The following MAP3K8 variants were observed in gnomAD, a reference collection of about 807,000 sequenced individuals.
MAP3K8 encodes Ewing sarcoma transformant.
A neutral mutation model predicts 45.8 loss-of-function variants in MAP3K8; 22 were observed. That is an observed-to-expected ratio of 0.48 (90% CI 0.34 to 0.69). MAP3K8 has a LOEUF of 0.69. Ranked by LOEUF, MAP3K8 falls within the 30% of genes least tolerant of loss-of-function variation. The pLI is 0.01. For missense variants in MAP3K8, 419 were observed against 585.0 expected (o/e 0.72, Z 2.93); for synonymous variants, 223 against 214.3 (o/e 1.04, Z -0.36).
chr10:30,448,591 C>T (rs1463066241), intron 4 of MAP3K8, among the ~76,000 whole-genome samples: 2 of 151,940 alleles, frequency 1.3e-5, no homozygotes, highest in African/African-American at 4.8e-5. Context: ...TGCCACCATG[C>T]CCAGCTAATT....
At chr10:30,447,385 C>T (rs1320961595) in intron 3 of MAP3K8, among the ~76,000 whole-genome samples, 1 of 152,190 alleles carries the variant, frequency 6.6e-6, no homozygotes, top group East Asian at 1.9e-4. Context: ...TGAGTAATAG[C>T]TATGTGGACT....
chr10:30,452,910 C>T (rs188050133), intron 6 of MAP3K8, among the ~76,000 whole-genome samples: 75 of 151,958 alleles, frequency 4.9e-4, no homozygotes, highest in Non-Finnish European at 1.5e-4. Flanking sequence ...AACTGTTGGC[C>T]TCAAGTGATC....
Position 30,458,181 on chromosome 10 carries a change from C to T in MAP3K8, c.971C>T (p.Thr324Ile). 1.3e-6 allele frequency: 2 copies of T among 1,594,164 alleles called. No individual in the cohort carries two copies. Among genetic ancestry groups the T allele is most frequent in the Non-Finnish European group, 1.7e-6 (2 of 1,169,754 alleles). The stretch of plus-strand genomic sequence containing the variant: ...ACGCTCATCCACATGCAGACGGGCA[C>T]CCCACCCTGGGTGAAGCGCTACCCT... ...GATLIHMQTG[T>I]PPWVKRYPRS... The change falls in exon 7 of 9, where the codon ACC becomes ATC. Residue 324 changes from threonine (T) to isoleucine (I), a missense_variant. This residue lies in a region of MAP3K8 where 209 missense variants were observed against 367.3 expected (regional missense o/e 0.57). Transcript: ENST00000263056.
chr10:30,458,268 C>CGT lies in MAP3K8; in HGVS notation c.1026+33_1026+34insTG, dbSNP rs1554774865. The stretch of plus-strand genomic sequence containing the variant: ...GGGGTTCAACCAGGGCTGGGGGCGG[C>CGT]GGGGGGGGGCGTTGAGTTATGCATC... On this transcript the variant is annotated intron_variant, in intron 7 of 8. Transcript: ENST00000263056. 2.5e-5 allele frequency: 11 copies of CGT among 443,730 alleles called. 1 individual carries two copies. The highest frequency in any genetic ancestry group is 4.1e-5 in the Non-Finnish European group (11 of 270,690). 27.5% of individuals were successfully genotyped at this position (443,730 alleles called of 1,614,324 possible).
In MAP3K8 at chr10:30,437,209, A is replaced by G; in HGVS notation, c.-221A>G. ...TTCTTACCGCGAAGAAGCCAGGGGA[A>G]TAGGTAGCCACATCTTGTTTGCAGA... On this transcript the variant is annotated 5_prime_UTR_variant, in exon 2 of 9. Transcript: ENST00000263056. The G allele has an allele frequency of 1.0e-6, 1 of 985,290 alleles. No homozygotes were observed. The highest frequency in any genetic ancestry group is 1.7e-5 in the African/African-American group (1 of 57,322). 61.0% of individuals were successfully genotyped at this position (985,290 alleles called of 1,614,324 possible). A position where few individuals can be genotyped will look rare whatever the true frequency, so the allele number is the denominator to read the frequency against.
intron 1 of MAP3K8, 25 bp from the exon 2 acceptor site, chr10:30,437,151 T>TC (rs1835939402): frequency 4.1e-6 from 4 of 985,118 alleles, no homozygotes; most frequent in South Asian, 9.4e-5. Context: ...GCCTTTTTTT[T>TC]CTCTCTCTTT....
intron 4 of MAP3K8, among the ~76,000 whole-genome samples, chr10:30,448,443 T>TATTATTA: frequency 6.7e-6 from 1 of 149,716 alleles, no homozygotes; most frequent in Non-Finnish European, 1.5e-5. Flanking sequence ...TTATTATTAT[T>TATTATTA]ATTATTTGAA....
At position 30,450,020 on chromosome 10, in the gene MAP3K8, G is replaced by A. The variant is rs143209263; in HGVS notation, c.505-238G>A. Among the ~76,000 whole-genome samples the A allele has an allele frequency of 4.5e-3, 687 of 152,212 alleles. 24 individuals carry two copies. Among genetic ancestry groups the A allele is most frequent in the Admixed American group, 0.04 (617 of 15,284 alleles). ...GATTTCTGACTTCTAAATGAAAAGA[G>A]TAACTCATTATTTTGTTTTTTATTT... On this transcript the variant is annotated intron_variant, in intron 4 of 8. Transcript: ENST00000263056.
chr10:30,451,413 A>G (rs1389767633), intron 5 of MAP3K8, among the ~76,000 whole-genome samples: 1 of 152,224 alleles, frequency 6.6e-6, no homozygotes, highest in Non-Finnish European at 1.5e-5. Context: ...ATTAATGGCT[A>G]CAATCATTCA....
At chr10:30,458,328 A>G in intron 7 of MAP3K8, 92 bp downstream of exon 7, 3 of 817,964 alleles carry the variant, frequency 3.7e-6, no homozygotes, top group Non-Finnish European at 5.2e-6. Context: ...TGCCTTCTAT[A>G]CCACCCCCAT....
intron 3 of MAP3K8, among the ~76,000 whole-genome samples, chr10:30,442,408 G>A (rs962124527): frequency 6.6e-6 from 1 of 152,178 alleles, no homozygotes; most frequent in Non-Finnish European, 1.5e-5. Flanking sequence ...CATGTGCAGA[G>A]GTCCAGAGAC....
At chr10:30,445,735 C>G (rs1245716258) in intron 3 of MAP3K8, among the ~76,000 whole-genome samples, 1 of 152,216 alleles carries the variant, frequency 6.6e-6, no homozygotes, top group Non-Finnish European at 1.5e-5. Flanking sequence ...CATGTTAGCT[C>G]TAGGGCCCTG....
intron 3 of MAP3K8, among the ~76,000 whole-genome samples, chr10:30,443,245 T>G (rs531218464): frequency 7.2e-5 from 11 of 152,304 alleles, no homozygotes; most frequent in Non-Finnish European, 1.6e-4. Context: ...GTTTACTCAT[T>G]CATAAAATGG....
At chr10:30,444,994 C>T (rs190197216) in intron 3 of MAP3K8, among the ~76,000 whole-genome samples, 25 of 152,234 alleles carry the variant, frequency 1.6e-4, no homozygotes, top group African/African-American at 5.5e-4. Context: ...TTGTAGACTT[C>T]GATGAGATAA....
rs1350423859 is a variant in MAP3K8 at position 30,451,732 on chromosome 10, C to A, written c.861C>A (p.Leu287=). The A allele has an allele frequency of 6.4e-7, 1 of 1,564,860 alleles. No individual in the cohort carries two copies. The highest frequency in any genetic ancestry group is 1.4e-5 in the African/African-American group (1 of 74,004). ...AAGATGTCTATTTTCCTAAGGACCT[C>A]CGAGGAACAGAGGTAATTATGTTCA... The part of the protein sequence containing the change: ...MTEDVYFPKD[L]RGTEIYMSPE... The change falls in exon 6 of 9, where the codon CTC becomes CTA. Residue 287 remains leucine (L), a synonymous_variant. Transcript: ENST00000263056.
intron 3 of MAP3K8, among the ~76,000 whole-genome samples, chr10:30,440,597 C>T (rs1003841289): frequency 1.3e-5 from 2 of 151,882 alleles, no homozygotes; most frequent in Non-Finnish European, 2.9e-5. Flanking sequence ...ATTTAATAGT[C>T]GACTAAGTAC....
chr10:30,456,720 G>C (rs893886736), intron 6 of MAP3K8, among the ~76,000 whole-genome samples: 2 of 152,150 alleles, frequency 1.3e-5, no homozygotes, highest in Non-Finnish European at 2.9e-5. Flanking sequence ...TAATTAATTT[G>C]TAAAGATGGG....
intron 6 of MAP3K8, among the ~76,000 whole-genome samples, chr10:30,453,759 T>A (rs1272448949): frequency 2.0e-5 from 3 of 151,986 alleles, no homozygotes; most frequent in African/African-American, 7.3e-5. Flanking sequence ...GGGCGTGGTG[T>A]TCTCACACCT....
intron 6 of MAP3K8, among the ~76,000 whole-genome samples, chr10:30,452,997 A>G (rs1836604994): frequency 6.6e-6 from 1 of 152,198 alleles, no homozygotes; most frequent in South Asian, 2.1e-4. Context: ...AGCTTTAATA[A>G]TAATTATAGA....
Sources: allele counts gnomAD v4.1 joint callset (sites outside exome capture counted in the v4.1 genomes callset), GRCh38; gene constraint gnomAD v4.1.1; regional missense constraint gnomAD v4.1.1; transcripts MANE v1.5; gene names NCBI Gene and HGNC (gene_info 2026-07-23, HGNC 2026-07-21).